TCF20: variants seen among roughly 807,000 people sequenced by gnomAD.
TCF20 encodes the protein SPRE-binding protein.
Under a neutral mutation model 148.6 loss-of-function variants are expected in TCF20, and 3 were observed. The observed-to-expected ratio is 0.02, with a 90% confidence interval of 0.01 to 0.05. TCF20 has a LOEUF of 0.05. Among genes scored for constraint, TCF20 ranks in the 10% least tolerant of loss-of-function variants. TCF20 has a pLI of 1.00. For synonymous variants in TCF20, 1,049 were observed against 909.5 expected (o/e 1.15, Z -2.76); for missense variants, 2,350 against 2,429.3 (o/e 0.97, Z 0.69).
intron 2 of TCF20, among the ~76,000 whole-genome samples, chr22:42,181,863 C>T (rs1242149189): frequency 2.0e-5 from 3 of 151,876 alleles, no homozygotes; most frequent in Non-Finnish European, 4.4e-5. Flanking sequence ...TCTCCCATCT[C>T]AGCCTCCAAA....
chr22:42,329,843 A>T (rs1927941014), intron 1 of TCF20, among the ~76,000 whole-genome samples: 1 of 151,740 alleles, frequency 6.6e-6, no homozygotes, highest in African/African-American at 2.4e-5. Context: ...ATCCCCAAGC[A>T]AAGCCAAGTG....
chr22:42,178,325 A>G (rs1936564891), intron 3 of TCF20, among the ~76,000 whole-genome samples: 1 of 152,164 alleles, frequency 6.6e-6, no homozygotes, highest in Non-Finnish European at 1.5e-5. Flanking sequence ...TTTATAGTTG[A>G]TCACTCAGAA....
rs528664836 is a variant in TCF20 at position 42,219,355 on chromosome 22, C to CAAAAAAAAAAAAAAAAAA, written c.-36-4032_-36-4015dup. 1.1e-3 allele frequency among the ~76,000 whole-genome samples: 48 copies of CAAAAAAAAAAAAAAAAAA among 43,540 alleles called. 4 individuals carry two copies. Among genetic ancestry groups the CAAAAAAAAAAAAAAAAAA allele is most frequent in the African/African-American group, 2.1e-3 (21 of 10,166 alleles). 28.6% of individuals were successfully genotyped at this position (43,540 alleles called of 152,430 possible). The stretch of plus-strand genomic sequence containing the variant: ...ACCCTGGGTGACAGTAACCCTGTCT[C>CAAAAAAAAAAAAAAAAAA]AAAAAAAAAAAAAAAAAAAAAAAAA... On this transcript the variant is annotated intron_variant, in intron 1 of 5. Coordinates refer to ENST00000677622, the MANE Select transcript of TCF20 (RefSeq NM_001378418.1).
rs964680373 is a variant in TCF20 at position 42,290,075 on chromosome 22, C to A, written c.-37+53404G>T. Among the ~76,000 whole-genome samples, 5 of 152,234 alleles carry A rather than the reference C, an allele frequency of 3.3e-5. No individual in the cohort carries two copies. The highest frequency in any genetic ancestry group is 1.2e-4 in the African/African-American group (5 of 41,464). Reference sequence around the variant, plus strand: ...GGCTCACTCCCGCCGCACGCATGCGCCCCCTGCACCGCCGGCTGCTGCTTG... The same window carrying A: ...GGCTCACTCCCGCCGCACGCATGCGACCCCTGCACCGCCGGCTGCTGCTTG... On this transcript the variant is annotated intron_variant, in intron 1 of 1. Coordinates refer to the TCF20 transcript ENST00000515426. The surrounding 1 kb of genome is among the most constrained non-coding windows in gnomAD (Gnocchi z 4.2).
At chr22:42,163,904 G>A (rs751358759) in intron 5 of TCF20, among the ~76,000 whole-genome samples, 4 of 152,028 alleles carry the variant, frequency 2.6e-5, no homozygotes, top group African/African-American at 7.3e-5. Context: ...TTCCCTTCTC[G>A]CTCACACTGT....
At chr22:42,267,335 C>G (rs1569194678) in intron 1 of TCF20, among the ~76,000 whole-genome samples, 1 of 152,114 alleles carries the variant, frequency 6.6e-6, no homozygotes, top group Non-Finnish European at 1.5e-5. Flanking sequence ...ACACTGAACG[C>G]AAGGTCATAA....
Position 42,210,773 on chromosome 22 carries a change from A to C in TCF20, c.4533T>G (p.Ala1511=). Residue 1511 remains alanine, a synonymous_variant, in exon 2 of 6, where the codon GCT becomes GCG. Transcript: ENST00000677622. This position sits in a 1 kb window ranked among gnomAD's most constrained non-coding sequence, Gnocchi z 4.7. ...TCACTGTATCGTTCTCCTTCTCTTCAGCCTTGGGGTTTGCCTCAGGGGCCA... is the reference window on the plus strand; with the variant it reads ...TCACTGTATCGTTCTCCTTCTCTTCCGCCTTGGGGTTTGCCTCAGGGGCCA... ...GILAPEANPK[A]EEKENDTVTI... The C allele has an allele frequency of 6.2e-7, 1 of 1,614,036 alleles. No individual in the cohort carries two copies.
At chr22:42,269,193 C>T (rs916827012) in intron 1 of TCF20, among the ~76,000 whole-genome samples, 1 of 152,160 alleles carries the variant, frequency 6.6e-6, no homozygotes, top group Admixed American at 6.5e-5. Context: ...TTCACTGAGG[C>T]TGTTAACATA....
At chr22:42,301,574 T>TCG (rs1002966757) in intron 1 of TCF20, among the ~76,000 whole-genome samples, 17 of 152,216 alleles carry the variant, frequency 1.1e-4, no homozygotes, top group African/African-American at 4.1e-4. Context: ...TCAAAGTGAT[T>TCG]CGACAGGCGG....
intron 1 of TCF20, among the ~76,000 whole-genome samples, chr22:42,316,448 A>G (rs939649329): frequency 5.3e-5 from 8 of 152,070 alleles, no homozygotes; most frequent in Non-Finnish European, 8.8e-5. Context: ...ACTCAAGGAG[A>G]CAGACTGGCC....
In TCF20 at chr22:42,338,360, T is replaced by G. The variant is rs1928102471; in HGVS notation, c.-37+5119A>C. Among the ~76,000 whole-genome samples the G allele has an allele frequency of 6.6e-6, 1 of 152,142 alleles. No homozygotes were observed. The highest frequency in any genetic ancestry group is 1.5e-5 in the Non-Finnish European group (1 of 68,016). On this transcript the variant is annotated intron_variant, in intron 1 of 1. Coordinates refer to the TCF20 transcript ENST00000515426. This position sits in a 1 kb window ranked among gnomAD's most constrained non-coding sequence, Gnocchi z 4.0. The stretch of plus-strand genomic sequence containing the variant: ...ACCATCACCCCTGGCAGGCAGCAGA[T>G]CTGCATTTTCACGGAGGCCTCAGGG...
chr22:42,247,072 C>T (rs1924978661), intron 1 of TCF20, among the ~76,000 whole-genome samples: 1 of 151,414 alleles, frequency 6.6e-6, no homozygotes, highest in South Asian at 2.1e-4. Context: ...AAGGAAACAT[C>T]CAGTTAAGGG....
chr22:42,256,167 T>TC (rs886875590), intron 1 of TCF20, among the ~76,000 whole-genome samples: 2 of 152,124 alleles, frequency 1.3e-5, no homozygotes, highest in African/African-American at 4.8e-5. Flanking sequence ...TGCCTAGTTC[T>TC]CCCCAGCACT....
intron 1 of TCF20, among the ~76,000 whole-genome samples, chr22:42,267,966 C>A (rs1015974212): frequency 6.6e-6 from 1 of 151,976 alleles, no homozygotes; most frequent in Non-Finnish European, 1.5e-5. Context: ...GCTAACATGG[C>A]GAAATGTTGT....
chr22:42,323,144 G>A (rs921224708), intron 1 of TCF20, among the ~76,000 whole-genome samples: 2 of 151,620 alleles, frequency 1.3e-5, no homozygotes, highest in Non-Finnish European at 3.0e-5. Flanking sequence ...AACCTCAGGT[G>A]GCCCACCTCA....
Position 42,240,175 on chromosome 22 carries a change from C to G in TCF20, c.-36-24834G>C, listed in dbSNP as rs1042619211. Reference sequence around the variant, plus strand: ...ATTATTATTTCCATTTTCTAGACAACGAAACAGAGGCAGAATAGTCATTTG... The same window carrying G: ...ATTATTATTTCCATTTTCTAGACAAGGAAACAGAGGCAGAATAGTCATTTG... On this transcript the variant is annotated intron_variant, in intron 1 of 5. Transcript: ENST00000677622. Among the ~76,000 whole-genome samples the G allele has an allele frequency of 2.0e-5, 3 of 152,222 alleles. No individual in the cohort carries two copies. In the East Asian group the frequency reaches 5.8e-4, roughly 29 times the overall value.
At chr22:42,249,703 T>C (rs568783424) in intron 1 of TCF20, among the ~76,000 whole-genome samples, 2 of 152,322 alleles carry the variant, frequency 1.3e-5, no homozygotes, top group Non-Finnish European at 2.9e-5. Flanking sequence ...ATCGCAGAAG[T>C]GAAAATACAG....
chr22:42,256,589 C>T, intron 1 of TCF20, among the ~76,000 whole-genome samples: 1 of 151,864 alleles, frequency 6.6e-6, no homozygotes, highest in Non-Finnish European at 1.5e-5. Flanking sequence ...TCCACGAAGA[C>T]TTTCAACAAG....
At chr22:42,239,616 C>T (rs773414051) in intron 1 of TCF20, among the ~76,000 whole-genome samples, 3 of 152,052 alleles carry the variant, frequency 2.0e-5, no homozygotes, top group Admixed American at 1.3e-4. Flanking sequence ...AGTGAAACCC[C>T]ACCTCTACTA....
Sources: gnomAD v4.1 joint callset for allele counts (sites outside exome capture counted in the v4.1 genomes callset) on GRCh38, gnomAD v4.1.1 for gene constraint, Gnocchi (gnomAD v3.1) non-coding constraint, MANE v1.5 for transcripts, NCBI Gene and HGNC (gene_info 2026-07-23, HGNC 2026-07-21) for gene names.